LGR5: variants seen among roughly 807,000 people sequenced by gnomAD.
LGR5 encodes leucine rich repeat containing G protein-coupled receptor 5.
Under a neutral mutation model 76.7 loss-of-function variants are expected in LGR5, and 54 were observed. The ratio of observed to expected loss-of-function variants is 0.70; its 90% CI spans 0.57 to 0.88. LGR5 has a LOEUF of 0.88. Among genes scored for constraint, LGR5 ranks in the 40% least tolerant of loss-of-function variants. LGR5 has a pLI of 0.00. For missense variants in LGR5, 1,078 were observed against 1,073.3 expected (o/e 1.00, Z -0.06); for synonymous variants, 406 against 421.9 (o/e 0.96, Z 0.46).
At position 71,444,213 on chromosome 12, in the gene LGR5, T is replaced by C. The variant is rs183585871; in HGVS notation, c.212+3921T>C. On this transcript the variant is annotated intron_variant, in intron 1 of 17. Transcript: ENST00000266674. ...ATGATTACAAAAATAGTAACTCTTA[T>C]AACAGCCTTAACATTTAGATCAATT... is the stretch of plus-strand genomic sequence containing the variant. Among the ~76,000 whole-genome samples, 531 of 152,232 alleles carry C rather than the reference T, an allele frequency of 3.5e-3. 4 individuals carry two copies. Among genetic ancestry groups the C allele is most frequent in the African/African-American group, 0.012 (491 of 41,586 alleles).
chr12:71,523,006 A>G (rs1875802182), intron 2 of LGR5, among the ~76,000 whole-genome samples: 1 of 152,200 alleles, frequency 6.6e-6, no homozygotes, highest in Non-Finnish European at 1.5e-5. Context: ...ATAATTTTTT[A>G]AAGTGTGTTG....
At chr12:71,533,686 A>G (rs1405917099) in intron 3 of LGR5, among the ~76,000 whole-genome samples, 3 of 152,188 alleles carry the variant, frequency 2.0e-5, no homozygotes, top group Non-Finnish European at 4.4e-5. Context: ...AAAAGGGCCA[A>G]TTTTTACTGA....
At chr12:71,489,664 G>T (rs1873978705) in intron 1 of LGR5, among the ~76,000 whole-genome samples, 1 of 152,138 alleles carries the variant, frequency 6.6e-6, no homozygotes, top group Admixed American at 6.5e-5. Context: ...TAATCTACCT[G>T]TGACCCTTCT....
At chr12:71,454,311 A>T (rs978065440) in intron 1 of LGR5, among the ~76,000 whole-genome samples, 1 of 152,184 alleles carries the variant, frequency 6.6e-6, no homozygotes. Context: ...GATTTATTTT[A>T]CCACTCTAAA....
At chr12:71,556,310 C>T (rs1565752445) in intron 5 of LGR5, among the ~76,000 whole-genome samples, 3 of 151,460 alleles carry the variant, frequency 2.0e-5, no homozygotes, top group African/African-American at 7.3e-5. Context: ...ACATGCACCC[C>T]TGAACTTAAA....
rs1178481166 is a variant in LGR5, at chr12:71,582,229, G to A, written c.1553-227G>A. On this transcript the variant is annotated intron_variant, in intron 16 of 17. Transcript: ENST00000266674. ...GAATGAGAGTTTAGATGTTACACCC[G>A]GCGTCTTGGGTCACTCTCCCTCACC... 1.3e-5 allele frequency: 6 copies of A among 454,718 alleles called. No individual in the cohort carries two copies. In the East Asian group the frequency reaches 1.5e-4, roughly 11 times the overall value. 28.2% of individuals were successfully genotyped at this position (454,718 alleles called of 1,614,324 possible). A position where few individuals can be genotyped will look rare whatever the true frequency, so the allele number is the denominator to read the frequency against.
At chr12:71,498,866 G>T (rs187174326) in intron 1 of LGR5, among the ~76,000 whole-genome samples, 1 of 152,316 alleles carries the variant, frequency 6.6e-6, no homozygotes, top group Non-Finnish European at 1.5e-5. Context: ...TGCAGTAAGA[G>T]GACAGGTGCC....
intron 14 of LGR5, 69 bp downstream of exon 14, chr12:71,578,065 G>A (rs923162725): frequency 1.1e-5 from 14 of 1,241,208 alleles, no homozygotes; most frequent in South Asian, 1.1e-4. Flanking sequence ...AATTTTAAAA[G>A]TTGGTTTTGT....
intron 2 of LGR5, among the ~76,000 whole-genome samples, chr12:71,507,573 A>G (rs1874917742): frequency 6.6e-6 from 1 of 152,218 alleles, no homozygotes; most frequent in South Asian, 2.1e-4. Context: ...TTTCAGGTGT[A>G]GAATTTCACC....
Position 71,497,010 on chromosome 12 carries a change from T to A in LGR5, c.213-7604T>A, listed in dbSNP as rs79735206. The stretch of plus-strand genomic sequence containing the variant: ...GATTTGTGCTAGTTAATGAGGTGTG[T>A]TCATATTGTGAAAATTCATCAGGGG... On this transcript the variant is annotated intron_variant, in intron 1 of 17. Coordinates refer to ENST00000266674, the MANE Select transcript of LGR5 (RefSeq NM_003667.4). Among the ~76,000 whole-genome samples, 498 of 152,100 alleles carry A rather than the reference T, an allele frequency of 3.3e-3. 5 individuals are homozygous for A. Among genetic ancestry groups the A allele is most frequent in the African/African-American group, 0.011 (472 of 41,492 alleles).
At chr12:71,515,298 A>G (rs1875381277) in intron 2 of LGR5, among the ~76,000 whole-genome samples, 1 of 152,260 alleles carries the variant, frequency 6.6e-6, no homozygotes, top group South Asian at 2.1e-4. Context: ...ATCAATTTTA[A>G]TAGACTATTA....
At chr12:71,559,709 T>C (rs1877962388) in intron 7 of LGR5, 55 bp downstream of exon 7, 2 of 945,784 alleles carry the variant, frequency 2.1e-6, no homozygotes, top group South Asian at 2.9e-5. Flanking sequence ...TGAATTTATT[T>C]AAAAATACAT....
intron 11 of LGR5, among the ~76,000 whole-genome samples, chr12:71,567,980 T>G (rs1260056302): frequency 6.6e-6 from 1 of 152,164 alleles, no homozygotes; most frequent in Non-Finnish European, 1.5e-5. Context: ...ATTGAATAAC[T>G]GGGAGAAAGT....
At chr12:71,464,147 T>C (rs61925783) in intron 1 of LGR5, among the ~76,000 whole-genome samples, 1,918 of 152,340 alleles carry the variant, frequency 0.013, 21 homozygotes, top group Non-Finnish European at 0.021. Flanking sequence ...TAATCACTTG[T>C]ATTATTATCA....
chr12:71,516,182 G>T (rs192342268), intron 2 of LGR5, among the ~76,000 whole-genome samples: 1 of 151,778 alleles, frequency 6.6e-6, no homozygotes, highest in Non-Finnish European at 1.5e-5. Flanking sequence ...AAATTTGAGC[G>T]TAGAAAAAGA....
At chr12:71,574,799 T>TTCACAAGA (rs1290195715) in intron 13 of LGR5, among the ~76,000 whole-genome samples, 13 of 152,252 alleles carry the variant, frequency 8.5e-5, no homozygotes, top group African/African-American at 3.1e-4. Flanking sequence ...CCCTGCCCAT[T>TTCACAAGA]TCACAAGAAC....
rs939051192 is a variant in LGR5, at chr12:71,495,076, G to GT, written c.213-9537dup. 7.6e-5 allele frequency among the ~76,000 whole-genome samples: 11 copies of GT among 144,764 alleles called. No homozygotes were observed. In the Middle Eastern group the frequency reaches 0.01, roughly 134 times the overall value. The allele number at this position is 144,764 out of a possible 152,430, so 95.0% of individuals were successfully genotyped here. A position where few individuals can be genotyped will look rare whatever the true frequency, so the allele number is the denominator to read the frequency against. ...GCATGGCCCAAGGATTTGGGGCGTA[G>GT]TCGGGGGGGGTCTCCTTTGAATCCC... On this transcript the variant is annotated intron_variant, in intron 1 of 17. Coordinates refer to ENST00000266674, the MANE Select transcript of LGR5 (RefSeq NM_003667.4).
At chr12:71,536,649 A>T (rs1876602581) in intron 4 of LGR5, among the ~76,000 whole-genome samples, 1 of 152,264 alleles carries the variant, frequency 6.6e-6, no homozygotes, top group African/African-American at 2.4e-5. Context: ...AGGAACTTTA[A>T]ACAGCTGCAA....
intron 1 of LGR5, among the ~76,000 whole-genome samples, chr12:71,481,830 T>TG: frequency 6.6e-6 from 1 of 152,220 alleles, no homozygotes; most frequent in African/African-American, 2.4e-5. Context: ...AAATGTTGCC[T>TG]GGGGGGTATT....
Sources: allele counts gnomAD v4.1 joint callset (sites outside exome capture counted in the v4.1 genomes callset), GRCh38; gene constraint gnomAD v4.1.1; transcripts MANE v1.5; gene names NCBI Gene and HGNC (gene_info 2026-07-23, HGNC 2026-07-21).